Variants in NR1D2 observed in about 807,000 individuals in gnomAD.
NR1D2 encodes the protein nuclear receptor subfamily 1 group D member 2, also known as V-erbA-related protein 1-related.
NR1D2 carries 25 observed loss-of-function variants against 52.2 expected under a neutral mutation model. The ratio of observed to expected loss-of-function variants is 0.48; its 90% confidence interval spans 0.35 to 0.67. The LOEUF is 0.67. NR1D2 is among the 30% of genes least tolerant of loss of function. The pLI, the probability that NR1D2 is intolerant of heterozygous loss-of-function variation, is 0.01. For synonymous variants in NR1D2, 259 were observed against 230.1 expected, an observed-to-expected ratio of 1.13 and a Z score of -1.14; for missense variants, 681 against 707.2, an observed-to-expected ratio of 0.96 and a Z score of 0.42.
chr3:23,965,524 A>G (rs1193626589), intron 6 of NR1D2, among the ~76,000 whole-genome samples: 1 of 151,688 alleles, frequency 6.6e-6, no homozygotes, highest in Non-Finnish European at 1.5e-5. Context: ...CTGGGATTAC[A>G]GGTCTGAGCC....
Position 23,962,330 on chromosome 3 carries a change from A to G in NR1D2, c.871A>G (p.Met291Val), listed in dbSNP as rs1471421176. The change falls in exon 5 of 8, where the codon ATG (methionine) becomes GTG (valine). Residue 291 changes from methionine to valine, a missense_variant. This residue lies in a region of NR1D2 where 475 missense variants were observed against 454.5 expected (regional missense o/e 1.05). Coordinates refer to ENST00000312521, the MANE Select transcript of NR1D2 (RefSeq NM_005126.5). ...GAGAGGAGAACGGATTCCCAAGAAC[A>G]TGGAGCAATATAATTTAAATCATGA... The part of the protein sequence containing the change: ...PQRGERIPKN[M>V]EQYNLNHDHC... 1 of 1,614,066 alleles carries G rather than the reference A, an allele frequency of 6.2e-7. No homozygotes were observed. Among genetic ancestry groups the G allele is most frequent in the African/African-American group, 1.3e-5 (1 of 74,938 alleles).
Position 23,956,018 on chromosome 3 carries a change from G to C in NR1D2, c.284-19G>C. 1.3e-6 allele frequency: 2 copies of C among 1,581,344 alleles called. No individual in the cohort carries two copies. Among genetic ancestry groups the C allele is most frequent in the Non-Finnish European group, 8.7e-7 (1 of 1,151,766 alleles). The stretch of plus-strand genomic sequence containing the variant: ...GGTGTTTCCTCCTACTTTTTACTTC[G>C]TGTCCTTTTGTGTCCTAGAATTTAG... On this transcript the variant is annotated intron_variant, in intron 2 of 7. Transcript: ENST00000312521.
intron 7 of NR1D2, among the ~76,000 whole-genome samples, chr3:23,973,649 A>G (rs28522849): frequency 0.3 from 45,192 of 152,006 alleles, 6,965 homozygotes; most frequent in Admixed American, 0.35. Context: ...ACGGTACACT[A>G]AATTTATTAA....
chr3:23,963,248 T>C, intron 5 of NR1D2: 1 of 1,351,520 alleles, frequency 7.4e-7, no homozygotes, highest in Non-Finnish European at 9.8e-7. Context: ...TCAGCCAAAA[T>C]TTCACCAAAA....
At chr3:23,956,204 T>C (rs771287713) in intron 3 of NR1D2, 79 bp downstream of exon 3, 77 of 1,128,124 alleles carry the variant, frequency 6.8e-5, no homozygotes, top group Middle Eastern at 3.9e-4. Flanking sequence ...ATTTGTGCAA[T>C]TGATAGTCTG....
At chr3:23,948,281 A>T (rs1011809069) in intron 1 of NR1D2, among the ~76,000 whole-genome samples, 16 of 152,192 alleles carry the variant, frequency 1.1e-4, no homozygotes, top group African/African-American at 3.9e-4. Flanking sequence ...CCTTCGTGAC[A>T]TCTCTATGTC....
At chr3:23,968,481 C>T (rs539879903) in intron 7 of NR1D2, among the ~76,000 whole-genome samples, 2 of 152,254 alleles carry the variant, frequency 1.3e-5, no homozygotes, top group Admixed American at 1.3e-4. Flanking sequence ...CCAGTTCTGC[C>T]ATTGAATTAT....
At chr3:23,954,387 G>A in intron 1 of NR1D2, 150 bp from the exon 2 acceptor site, 1 of 684,188 alleles carries the variant, frequency 1.5e-6, no homozygotes, top group Admixed American at 2.7e-5. Context: ...GGGAAATAAG[G>A]AAATACTTTA....
intron 1 of NR1D2, among the ~76,000 whole-genome samples, chr3:23,947,394 T>C (rs1026445543): frequency 4.6e-5 from 7 of 152,228 alleles, no homozygotes; most frequent in Admixed American, 3.9e-4. Context: ...TTTACAGTTC[T>C]CATCTCTTTG....
At position 23,956,105 on chromosome 3, in the gene NR1D2, C is replaced by G; in HGVS notation, c.352C>G (p.His118Asp). 1 of 1,613,618 alleles carries G rather than the reference C, an allele frequency of 6.2e-7. No homozygotes were observed. Among genetic ancestry groups the G allele is most frequent in the Non-Finnish European group, 8.5e-7 (1 of 1,179,606 alleles). The change falls in exon 3 of 8, where the codon CAT (histidine) becomes GAT (aspartate). Residue 118 changes from histidine to aspartate, a missense_variant. Around this residue, in one of 3 missense-constraint regions of NR1D2, gnomAD observed 112 missense variants for 162.3 expected, o/e 0.69. Coordinates refer to ENST00000312521, the MANE Select transcript of NR1D2 (RefSeq NM_005126.5). ...DVASGFHYGV[H>D]ACEGCKGFFR... ...GGCGTCAGGATTCCACTATGGAGTT[C>G]ATGCTTGCGAAGGCTGTAAGGTAAA...
At chr3:23,973,324 A>C (rs979008571) in intron 7 of NR1D2, among the ~76,000 whole-genome samples, 4 of 152,246 alleles carry the variant, frequency 2.6e-5, no homozygotes, top group Non-Finnish European at 5.9e-5. Flanking sequence ...GGTATATCCT[A>C]CTACACACCT....
intron 1 of NR1D2, among the ~76,000 whole-genome samples, chr3:23,950,467 G>A (rs1002365313): frequency 6.6e-6 from 1 of 152,186 alleles, no homozygotes; most frequent in African/African-American, 2.4e-5. Context: ...TTGGTGACTT[G>A]TAGTTTCACT....
In NR1D2 at chr3:23,979,605, A is replaced by T; in HGVS notation, c.*2186A>T. 6.6e-6 allele frequency: 1 copy of T among 152,198 alleles called. No individual in the cohort carries two copies. The highest frequency in any genetic ancestry group is 3.4e-3 in the Middle Eastern group (1 of 294). 9.4% of individuals were successfully genotyped at this position (152,198 alleles called of 1,614,324 possible). The stretch of plus-strand genomic sequence containing the variant: ...ATAGATTTGCATTTTGTCTTGTAAA[A>T]TTTTATTTGAATAAATTCTTCCTGT... On this transcript the variant is annotated 3_prime_UTR_variant, in exon 8 of 8. Transcript: ENST00000312521.
chr3:23,962,989 A>G (rs753903937), intron 5 of NR1D2, among the ~76,000 whole-genome samples: 1 of 151,952 alleles, frequency 6.6e-6, no homozygotes, highest in Non-Finnish European at 1.5e-5. Context: ...CCATAGTTAG[A>G]AATTCTTTGA....
In NR1D2 at chr3:23,977,339, C is replaced by T; in HGVS notation, c.1660C>T (p.Leu554=). The change falls in exon 8 of 8, where the codon CTG becomes TTG. Residue 554 remains leucine (L), a synonymous_variant. Coordinates refer to ENST00000312521, the MANE Select transcript of NR1D2 (RefSeq NM_005126.5). ...AAATGAGGCCTCTATTTTTACAAAACTGCTTCTAAAGTTGCCAGATCTTCG... is the reference window on the plus strand; with the variant it reads ...AAATGAGGCCTCTATTTTTACAAAATTGCTTCTAAAGTTGCCAGATCTTCG... ...HPNEASIFTK[L]LLKLPDLRSL... 1 of 1,613,674 alleles carries T rather than the reference C, an allele frequency of 6.2e-7. No homozygotes were observed. Among genetic ancestry groups the T allele is most frequent in the African/African-American group, 1.3e-5 (1 of 74,990 alleles).
At chr3:23,956,639 G>A (rs529436172) in intron 3 of NR1D2, among the ~76,000 whole-genome samples, 1 of 152,236 alleles carries the variant, frequency 6.6e-6, no homozygotes, top group Admixed American at 6.5e-5. Context: ...AAATAATCCT[G>A]AATATAAGTT....
Position 23,965,111 on chromosome 3 carries a change from A to T in NR1D2, c.1281A>T (p.Arg427Ser), listed in dbSNP as rs558606668. The stretch of plus-strand genomic sequence containing the variant: ...TTGCAAAGCGTATTCCTGGGTTCAG[A>T]GATCTCTCTCAGCATGACCAGGTCA... ...VEFAKRIPGF[R>S]DLSQHDQVNL... Residue 427 changes from arginine (R) to serine (S), a missense_variant, in exon 6 of 8, where the codon AGA becomes AGT. Around this residue, in one of 3 missense-constraint regions of NR1D2, gnomAD observed 475 missense variants for 454.5 expected, o/e 1.05. Transcript: ENST00000312521. 8 of 1,614,000 alleles carry T rather than the reference A, an allele frequency of 5.0e-6. No homozygotes were observed. In the South Asian group the frequency reaches 8.8e-5, roughly 18 times the overall value.
chr3:23,977,149 C>A, intron 7 of NR1D2, 74 bp from the exon 8 acceptor site: 2 of 871,324 alleles, frequency 2.3e-6, no homozygotes, highest in Non-Finnish European at 3.2e-6. Flanking sequence ...CACTGATAAG[C>A]AAGAATTTTA....
In NR1D2 at chr3:23,962,242, C is replaced by T; in HGVS notation, c.783C>T (p.His261=). 3 of 1,614,186 alleles carry T rather than the reference C, an allele frequency of 1.9e-6. No individual in the cohort carries two copies. Among genetic ancestry groups the T allele is most frequent in the Non-Finnish European group, 2.5e-6 (3 of 1,180,028 alleles). ...TGATTGGCATGGTGACCAGAGCTCA[C>T]AAGGATACCTTTATGTATAATCAAG... ...EEVIGMVTRA[H]KDTFMYNQEQ... Residue 261 remains histidine (H), a synonymous_variant, in exon 5 of 8, where the codon CAC becomes CAT. Coordinates refer to ENST00000312521, the MANE Select transcript of NR1D2 (RefSeq NM_005126.5).
Sources: allele counts gnomAD v4.1 joint callset (sites outside exome capture counted in the v4.1 genomes callset), GRCh38; gene constraint gnomAD v4.1.1; regional missense constraint gnomAD v4.1.1; transcripts MANE v1.5; gene names NCBI Gene and HGNC (gene_info 2026-07-23, HGNC 2026-07-21).